CRLF2: variants seen among roughly 807,000 people sequenced by gnomAD.
The protein encoded by CRLF2 is cytokine receptor-like factor 2.
Under a neutral mutation model 38.7 loss-of-function variants are expected in CRLF2, and 41 were observed. That is an observed-to-expected ratio of 1.06 (90% CI 0.83 to 1.37). The LOEUF (loss-of-function observed/expected upper bound fraction) is 1.37, where lower values mean the gene tolerates loss of function less well. Among genes scored for constraint, CRLF2 ranks in the 40% most tolerant of loss-of-function variants. The probability of loss-of-function intolerance (pLI) is 0.00; values close to 1 mark genes in which losing one functional copy is unlikely to be tolerated. For missense variants in CRLF2, 377 were observed against 322.2 expected, an observed-to-expected ratio of 1.17 and a Z score of -1.30; for synonymous variants, 140 against 128.8, an observed-to-expected ratio of 1.09 and a Z score of -0.59.
intron 3 of CRLF2, among the ~76,000 whole-genome samples, chrX:1,205,437 T>C (rs1253574561): frequency 2.0e-5 from 3 of 152,108 alleles, no homozygotes; most frequent in Admixed American, 6.5e-5. Context: ...TCGGTACTTA[T>C]GATAATCAGC....
rs1181328880 is a variant in CRLF2, at chrX:1,212,623, C to G, written c.12G>C (p.Leu4=). 3 of 1,612,202 alleles carry G rather than the reference C, an allele frequency of 1.9e-6. No individual in the cohort carries two copies. The African/African-American group carries it at 4.0e-5, about 22-fold the overall frequency. ...AGACGGCAGCTCCCCACAGCAGAAC[C>G]AGCCGCCCCATGCCTGAAACAGGAG... is the stretch of plus-strand genomic sequence containing the variant. MGR[L]VLLWGAAVFL... is the part of the protein sequence containing the mutation. The change falls in exon 1 of 8, where the codon CTG becomes CTC. Residue 4 remains leucine (L), a synonymous_variant. Transcript: ENST00000400841.
At chrX:1,203,095 C>CAAAAAAAA (rs782280523) in intron 3 of CRLF2, among the ~76,000 whole-genome samples, 1 of 66,942 alleles carries the variant, frequency 1.5e-5, no homozygotes. Flanking sequence ...GAGACTATCT[C>CAAAAAAAA]AAAAAAAAAA....
intron 4 of CRLF2, among the ~76,000 whole-genome samples, chrX:1,202,138 A>G (rs1311850666): frequency 6.6e-6 from 1 of 152,104 alleles, no homozygotes; most frequent in Admixed American, 6.6e-5. Context: ...ATATAGATAG[A>G]TTGATAGATA....
intron 1 of CRLF2, among the ~76,000 whole-genome samples, chrX:1,210,789 GAC>G: frequency 6.6e-6 from 1 of 152,190 alleles, no homozygotes; most frequent in East Asian, 1.9e-4. Context: ...TAGACAGACA[GAC>G]ACAGATAGAT....
chrX:1,197,870 G>C (rs1390916398), intron 5 of CRLF2, among the ~76,000 whole-genome samples: 1 of 151,546 alleles, frequency 6.6e-6, no homozygotes, highest in Admixed American at 6.6e-5. Flanking sequence ...GTGTGGTGGC[G>C]TGTACACTGT....
chrX:1,201,473 A>G (rs1279281205), intron 4 of CRLF2, among the ~76,000 whole-genome samples: 2 of 129,936 alleles, frequency 1.5e-5, no homozygotes, highest in African/African-American at 5.5e-5. Flanking sequence ...TGATACATAG[A>G]CAGATGATAG....
intron 3 of CRLF2, among the ~76,000 whole-genome samples, chrX:1,204,254 G>A (rs1408040487): frequency 6.6e-6 from 1 of 151,106 alleles, no homozygotes; most frequent in Non-Finnish European, 1.5e-5. Context: ...TTGAGATGGA[G>A]TTTCACTCTT....
At chrX:1,205,859 TAAGCTG>T (rs1193176588) in intron 3 of CRLF2, among the ~76,000 whole-genome samples, 2 of 151,742 alleles carry the variant, frequency 1.3e-5, no homozygotes, top group East Asian at 2.0e-4. Flanking sequence ...CTTATGGTAA[TAAGCTG>T]AAGGAAGTAC....
chrX:1,191,370 CTCTT>C (rs1556415615), intron 7 of CRLF2, among the ~76,000 whole-genome samples: 1 of 48,116 alleles, frequency 2.1e-5, no homozygotes, highest in Non-Finnish European at 4.4e-5. Flanking sequence ...TCCTTTCTTT[CTCTT>C]TCTTTCTTTC....
chrX:1,209,307 T>C (rs1228287876), intron 1 of CRLF2, among the ~76,000 whole-genome samples: 7 of 141,334 alleles, frequency 5.0e-5, no homozygotes, highest in African/African-American at 2.0e-4. Context: ...TAGTGTAGTG[T>C]AGTGTAGTGT....
At chrX:1,198,165 ACACCCTCCCTCCCACCTCC>A (rs2086526658) in intron 5 of CRLF2, among the ~76,000 whole-genome samples, 5 of 129,040 alleles carry the variant, frequency 3.9e-5, no homozygotes, top group African/African-American at 1.2e-4. Flanking sequence ...CGAAGGCAGG[ACACCCTCCCTCCCACCTCC>A]CAGGAAGGCA....
intron 7 of CRLF2, among the ~76,000 whole-genome samples, chrX:1,192,269 C>A (rs2086398548): frequency 6.6e-6 from 1 of 150,808 alleles, no homozygotes; most frequent in Non-Finnish European, 1.5e-5. Context: ...GTTGGACATG[C>A]TTCTTTATAC....
rs1378640966 is a variant in CRLF2 at position 1,190,525 on chromosome X, A to G, written c.*372T>C. On this transcript the variant is annotated 3_prime_UTR_variant, in exon 8 of 8. Transcript: ENST00000400841. ...AGACAAAAAATCCTCCGAGAATCCAATGCTATGGGAATGGTACATGGACGG... is the reference window on the plus strand; with the variant it reads ...AGACAAAAAATCCTCCGAGAATCCAGTGCTATGGGAATGGTACATGGACGG... 2.9e-5 allele frequency: 8 copies of G among 273,134 alleles called. No homozygotes were observed. The highest frequency in any genetic ancestry group is 1.5e-4 in the African/African-American group (7 of 46,660). 16.9% of individuals were successfully genotyped at this position (273,134 alleles called of 1,614,324 possible). A position where few individuals can be genotyped will look rare whatever the true frequency, so the allele number is the denominator to read the frequency against.
chrX:1,195,861 GATTAA>G (rs1356913205), intron 6 of CRLF2, among the ~76,000 whole-genome samples: 3 of 130,158 alleles, frequency 2.3e-5, no homozygotes, highest in African/African-American at 8.6e-5. Flanking sequence ...TTTTTATATA[GATTAA>G]ATTAAATATA....
Position 1,193,278 on chromosome X carries a change from G to A in CRLF2, c.792C>T (p.Ser264=), listed in dbSNP as rs1399166487. ...GGAAGATGGATTTCGGGTCTGGCAC[G>A]CTGGGAATGAGAAACTTCTTCACTC... The part of the protein sequence containing the change: ...LWRVKKFLIP[S]VPDPKSIFPG... Residue 264 remains serine, a synonymous_variant, in exon 7 of 8, where the codon AGC becomes AGT. Transcript: ENST00000400841. 1.9e-4 allele frequency: 75 copies of A among 398,572 alleles called. No individual in the cohort carries two copies. Among genetic ancestry groups the A allele is most frequent in the East Asian group, 8.9e-4 (25 of 28,042 alleles). The allele number at this position is 398,572 out of a possible 1,614,324, so 24.7% of individuals were successfully genotyped here. A position where few individuals can be genotyped will look rare whatever the true frequency, so the allele number is the denominator to read the frequency against.
rs770503520 is a variant in CRLF2 at position 1,208,856 on chromosome X, C to T, written c.132G>A (p.Val44=). The change falls in exon 2 of 8, where the codon GTG becomes GTA. Residue 44 remains valine (V), a synonymous_variant. Transcript: ENST00000400841. ...TGGAGTATTTGCTGGCATTCCATGT[C>T]ACCTGCACGGTTTCTAAATTGAAGT... ...IIYFNLETVQ[V]TWNASKYSRT... 3 of 1,612,976 alleles carry T rather than the reference C, an allele frequency of 1.9e-6. No individual in the cohort carries two copies. Among genetic ancestry groups the T allele is most frequent in the Admixed American group, 1.7e-5 (1 of 60,008 alleles).
At chrX:1,202,638 T>G in intron 3 of CRLF2, 103 bp from the exon 4 acceptor site, 5 of 1,224,958 alleles carry the variant, frequency 4.1e-6, no homozygotes, top group Non-Finnish European at 5.6e-6. Flanking sequence ...CTCCCCTTAA[T>G]ACCTTATGGT....
At chrX:1,202,278 G>T in intron 4 of CRLF2, 124 bp downstream of exon 4, 1 of 1,137,562 alleles carries the variant, frequency 8.8e-7, no homozygotes, top group Non-Finnish European at 1.3e-6. Flanking sequence ...GGAAGATACA[G>T]CAGAGTGGAA....
chrX:1,193,735 T>C lies in CRLF2; in HGVS notation c.768-433A>G, dbSNP rs2086432998. On this transcript the variant is annotated intron_variant, in intron 6 of 7. Coordinates refer to ENST00000400841, the MANE Select transcript of CRLF2 (RefSeq NM_022148.4). ...AGGTGGAGGTTTCAGTGATCCGAGA[T>C]TGCGCCACTGCACTCCAGCCTGGGC... Among the ~76,000 whole-genome samples, 15 of 144,958 alleles carry C rather than the reference T, an allele frequency of 1.0e-4. No homozygotes were observed. In the South Asian group the frequency reaches 3.0e-3, roughly 29 times the overall value.
Sources: gnomAD v4.1 joint callset for allele counts (sites outside exome capture counted in the v4.1 genomes callset) on GRCh38, gnomAD v4.1.1 for gene constraint, MANE v1.5 for transcripts, NCBI Gene and HGNC (gene_info 2026-07-23, HGNC 2026-07-21) for gene names.